Variants in SBF2 observed in about 807,000 individuals in gnomAD.
SBF2 encodes the protein SET binding factor 2, also known as myotubularin-related protein 13.
In SBF2, 112 loss-of-function variants were observed where a neutral mutation model predicts 225.2. That is an observed-to-expected ratio of 0.50 (90% CI 0.43 to 0.58). The LOEUF (loss-of-function observed/expected upper bound fraction) is 0.58, where lower values mean the gene tolerates loss of function less well. SBF2 is among the 20% of genes least tolerant of loss of function. The probability of loss-of-function intolerance (pLI) is 0.00; values close to 1 mark genes in which losing one functional copy is unlikely to be tolerated. For missense variants in SBF2, 1,996 were observed against 2,206.2 expected (o/e 0.90, Z 1.91); for synonymous variants, 763 against 773.3 (o/e 0.99, Z 0.22).
intron 3 of SBF2, 127 bp from the exon 4 acceptor site, chr11:10,031,297 A>C: frequency 1.1e-6 from 1 of 889,230 alleles, no homozygotes; most frequent in Non-Finnish European, 1.7e-6. Context: ...AATTTTAAAA[A>C]TCAAACTACA....
intron 17 of SBF2, among the ~76,000 whole-genome samples, chr11:9,886,697 G>GGGTTTTTTT (rs1860336780): frequency 1.7e-5 from 1 of 57,614 alleles, no homozygotes; most frequent in African/African-American, 7.8e-5. Context: ...AGTGATTCAT[G>GGGTTTTTTT]TGTTTTTTTT....
chr11:10,124,056 C>T (rs1235322228), intron 2 of SBF2, among the ~76,000 whole-genome samples: 1 of 152,168 alleles, frequency 6.6e-6, no homozygotes, highest in African/African-American at 2.4e-5. Context: ...CCAAAATCTT[C>T]ATTCACTTTT....
intron 2 of SBF2, among the ~76,000 whole-genome samples, chr11:10,184,806 A>C (rs1956868847): frequency 6.6e-6 from 1 of 152,152 alleles, no homozygotes; most frequent in Non-Finnish European, 1.5e-5. Context: ...CGCTCACTGC[A>C]AGCTCTGCCT....
At chr11:9,822,450 C>T (rs1854818350) in intron 28 of SBF2, among the ~76,000 whole-genome samples, 1 of 152,020 alleles carries the variant, frequency 6.6e-6, no homozygotes, top group Non-Finnish European at 1.5e-5. Flanking sequence ...TTAGTAGAGA[C>T]AGGGTTTCAC....
At chr11:9,812,498 G>A (rs752958082) in intron 30 of SBF2, 34 bp downstream of exon 30, 1 of 1,608,734 alleles carries the variant, frequency 6.2e-7, no homozygotes, top group Non-Finnish European at 8.5e-7. Flanking sequence ...CTGTTTCTTT[G>A]AGTTATAAAG....
chr11:10,300,920 A>G (rs2133654182), intron 1 of SBF2, among the ~76,000 whole-genome samples: 1 of 151,238 alleles, frequency 6.6e-6, no homozygotes, highest in Non-Finnish European at 1.5e-5. Flanking sequence ...AAGTGCTAGG[A>G]TTACAGGCAC....
chr11:9,983,804 G>A (rs1947067990), intron 13 of SBF2, among the ~76,000 whole-genome samples: 1 of 152,182 alleles, frequency 6.6e-6, no homozygotes. Flanking sequence ...GAGACTCGCT[G>A]GGTGGCTAGA....
intron 26 of SBF2, among the ~76,000 whole-genome samples, chr11:9,837,463 C>T (rs1407416611): frequency 6.6e-6 from 1 of 152,160 alleles, no homozygotes; most frequent in Non-Finnish European, 1.5e-5. Flanking sequence ...CTTTTTAATT[C>T]TGTTAATGTG....
At chr11:10,221,530 C>T (rs1958339593) in intron 1 of SBF2, among the ~76,000 whole-genome samples, 1 of 152,128 alleles carries the variant, frequency 6.6e-6, no homozygotes, top group Non-Finnish European at 1.5e-5. Context: ...AGCTACAAAG[C>T]TAGTATCTAC....
chr11:9,896,657 C>T lies in SBF2; in HGVS notation c.1861-646G>A, dbSNP rs952657578. On this transcript the variant is annotated intron_variant, in intron 16 of 39. Coordinates refer to ENST00000256190, the MANE Select transcript of SBF2 (RefSeq NM_030962.4). ...AAATACAAAAAGCCAGGCATGGTGGCGGGCGCCTGTAATCCCAGCTACTTG... is the reference window on the plus strand; with the variant it reads ...AAATACAAAAAGCCAGGCATGGTGGTGGGCGCCTGTAATCCCAGCTACTTG... Among the ~76,000 whole-genome samples the T allele has an allele frequency of 2.0e-4, 31 of 151,962 alleles. 1 individual carries two copies. The highest frequency in any genetic ancestry group is 5.3e-4 in the African/African-American group (22 of 41,450).
intron 15 of SBF2, among the ~76,000 whole-genome samples, chr11:9,962,937 G>C (rs1450642304): frequency 6.6e-6 from 1 of 152,070 alleles, no homozygotes; most frequent in African/African-American, 2.4e-5. Flanking sequence ...AAGAGCACTG[G>C]GTCAGTCAGT....
At chr11:10,270,906 A>C (rs1962428878) in intron 1 of SBF2, among the ~76,000 whole-genome samples, 2 of 148,710 alleles carry the variant, frequency 1.3e-5, no homozygotes, top group South Asian at 4.4e-4. Context: ...GAGGCAGGAG[A>C]ATGGCGTGAA....
At chr11:10,034,338 C>T (rs1228815229) in intron 3 of SBF2, among the ~76,000 whole-genome samples, 3 of 152,174 alleles carry the variant, frequency 2.0e-5, no homozygotes, top group Non-Finnish European at 2.9e-5. Flanking sequence ...AATTAGTACT[C>T]ACCATATCAA....
At chr11:9,829,805 G>C (rs1028656262) in intron 27 of SBF2, 2 of 356,416 alleles carry the variant, frequency 5.6e-6, no homozygotes, top group Non-Finnish European at 5.3e-6. Flanking sequence ...TGAAAGCACA[G>C]GGCATAGCTT....
intron 25 of SBF2, among the ~76,000 whole-genome samples, chr11:9,840,250 C>T (rs1040202079): frequency 5.0e-5 from 5 of 100,280 alleles, no homozygotes; most frequent in African/African-American, 1.5e-4. Context: ...CGCCCCCAGC[C>T]GCAAAAAAAA....
At chr11:10,137,104 A>G (rs904857894) in intron 2 of SBF2, among the ~76,000 whole-genome samples, 14 of 152,198 alleles carry the variant, frequency 9.2e-5, no homozygotes, top group African/African-American at 2.9e-4. Flanking sequence ...GTCTCAGCAT[A>G]TAAGTCCTGT....
intron 1 of SBF2, among the ~76,000 whole-genome samples, chr11:10,270,772 T>G (rs973051216): frequency 1.3e-5 from 2 of 152,026 alleles, no homozygotes; most frequent in Non-Finnish European, 2.9e-5. Context: ...GGTAGGCGGA[T>G]CACAAGATCA....
intron 1 of SBF2, chr11:10,272,291 C>G: frequency 9.8e-7 from 1 of 1,023,008 alleles, no homozygotes. Flanking sequence ...GGGGCTGCAG[C>G]AATCTTGATT....
rs138835804 is a variant in SBF2, at chr11:10,106,687, GT to G, written c.142-63707del. On this transcript the variant is annotated intron_variant, in intron 2 of 39. Coordinates refer to ENST00000256190, the MANE Select transcript of SBF2 (RefSeq NM_030962.4). ...AAAAACTAACGAAATTGTTAAACCT[GT>G]TTTTTTTGAAATACACTTATAAAGT... is the stretch of plus-strand genomic sequence containing the variant. 4.3e-3 allele frequency among the ~76,000 whole-genome samples: 627 copies of G among 147,330 alleles called. 2 individuals carry two copies. Among genetic ancestry groups the G allele is most frequent in the African/African-American group, 0.014 (545 of 40,238 alleles).
Sources: gnomAD v4.1 joint callset for allele counts (sites outside exome capture counted in the v4.1 genomes callset) on GRCh38, gnomAD v4.1.1 for gene constraint, MANE v1.5 for transcripts, NCBI Gene and HGNC (gene_info 2026-07-23, HGNC 2026-07-21) for gene names.